The following SPIRE1 variants were observed in gnomAD, a reference collection of about 807,000 sequenced individuals.
SPIRE1 encodes the protein spire type actin nucleation factor 1, also known as protein spire homolog 1.
SPIRE1 carries 40 observed loss-of-function variants against 94.1 expected under a neutral mutation model. The observed-to-expected ratio is 0.43, with a 90% CI of 0.33 to 0.55. The LOEUF (loss-of-function observed/expected upper bound fraction) is 0.55. SPIRE1 is among the 20% of genes least tolerant of loss of function. The pLI is 0.06. For synonymous variants in SPIRE1, 376 were observed against 371.7 expected, an observed-to-expected ratio of 1.01 and a Z score of -0.13; for missense variants, 838 against 975.2, an observed-to-expected ratio of 0.86 and a Z score of 1.87.
intron 12 of SPIRE1, among the ~76,000 whole-genome samples, chr18:12,461,674 C>T (rs921453177): frequency 2.0e-5 from 3 of 150,940 alleles, no homozygotes; most frequent in Admixed American, 2.0e-4. Context: ...GTCATCTACG[C>T]TGGGGTGGAG....
intron 12 of SPIRE1, among the ~76,000 whole-genome samples, chr18:12,459,442 G>A (rs114038903): frequency 1.7e-4 from 26 of 152,318 alleles, no homozygotes; most frequent in East Asian, 5.8e-4. Flanking sequence ...TGCACCCCAC[G>A]GGCTCAGAGT....
chr18:12,530,239 G>A (rs79768733), intron 4 of SPIRE1, among the ~76,000 whole-genome samples: 3,871 of 152,118 alleles, frequency 0.025, 170 homozygotes, highest in African/African-American at 0.088. Context: ...TGCCTACAAC[G>A]TAAGACTAAT....
chr18:12,458,010 A>G (rs2031603030), intron 12 of SPIRE1, among the ~76,000 whole-genome samples: 1 of 151,532 alleles, frequency 6.6e-6, no homozygotes. Flanking sequence ...GAGCCCAGCT[A>G]ATTTTTTGTA....
At chr18:12,578,228 C>A (rs773103556) in intron 2 of SPIRE1, among the ~76,000 whole-genome samples, 12 of 152,152 alleles carry the variant, frequency 7.9e-5, no homozygotes, top group Non-Finnish European at 5.9e-5. Flanking sequence ...AAGCATATAT[C>A]CATAAAAAGA....
chr18:12,549,439 G>GGTTTT (rs2035275774), intron 2 of SPIRE1, among the ~76,000 whole-genome samples: 54 of 41,260 alleles, frequency 1.3e-3, no homozygotes, highest in South Asian at 1.7e-3. Context: ...TGTTATTGTT[G>GGTTTT]TTTTTTTTTT....
At chr18:12,520,430 T>C (rs1411920914) in intron 4 of SPIRE1, among the ~76,000 whole-genome samples, 2 of 152,160 alleles carry the variant, frequency 1.3e-5, no homozygotes, top group Non-Finnish European at 2.9e-5. Flanking sequence ...CCACGAGCTT[T>C]CAGTAAAATA....
chr18:12,493,037 G>A (rs2033297409), intron 8 of SPIRE1, 35 bp downstream of exon 8: 2 of 1,557,434 alleles, frequency 1.3e-6, no homozygotes, highest in African/African-American at 2.8e-5. Context: ...CCCAGGGGAT[G>A]ACTCTAGACT....
chr18:12,572,715 G>A (rs1347589565), intron 2 of SPIRE1, among the ~76,000 whole-genome samples: 2 of 152,130 alleles, frequency 1.3e-5, no homozygotes, highest in African/African-American at 2.4e-5. Context: ...GTACACAGCC[G>A]AGAAATGTAC....
At chr18:12,457,944 A>G (rs2031598425) in intron 12 of SPIRE1, among the ~76,000 whole-genome samples, 1 of 149,256 alleles carries the variant, frequency 6.7e-6, no homozygotes, top group Non-Finnish European at 1.5e-5. Flanking sequence ...TCCAGGGTTC[A>G]CGCCATTCTC....
Position 12,493,706 on chromosome 18 carries a change from T to C in SPIRE1, c.1060-505A>G, listed in dbSNP as rs1473508327. ...ACAGGCATGAGCCGCTGCACCTGGC[T>C]ACACTTTGAATGTCTAAGCTCAAGG... On this transcript the variant is annotated intron_variant, in intron 7 of 16. Transcript: ENST00000409402. Among the ~76,000 whole-genome samples, 3 of 152,142 alleles carry C rather than the reference T, an allele frequency of 2.0e-5. No individual in the cohort carries two copies. In the East Asian group the frequency reaches 5.8e-4, roughly 29 times the overall value.
intron 2 of SPIRE1, among the ~76,000 whole-genome samples, chr18:12,625,075 G>C (rs999776293): frequency 2.0e-5 from 3 of 152,080 alleles, no homozygotes; most frequent in African/African-American, 7.2e-5. Flanking sequence ...GGGGAAGCAT[G>C]ACTGAATTTC....
intron 2 of SPIRE1, among the ~76,000 whole-genome samples, chr18:12,584,205 A>G (rs2036331963): frequency 1.3e-5 from 2 of 152,094 alleles, no homozygotes; most frequent in South Asian, 4.1e-4. Flanking sequence ...CGAGGCAGAC[A>G]GATCATTTGA....
intron 2 of SPIRE1, among the ~76,000 whole-genome samples, chr18:12,584,820 C>A (rs762484919): frequency 6.6e-6 from 1 of 152,014 alleles, no homozygotes; most frequent in Non-Finnish European, 1.5e-5. Context: ...CGCCCTGTTG[C>A]CCAGGCTGGA....
At chr18:12,612,331 C>T (rs2037165885) in intron 2 of SPIRE1, among the ~76,000 whole-genome samples, 1 of 152,132 alleles carries the variant, frequency 6.6e-6, no homozygotes, top group Non-Finnish European at 1.5e-5. Context: ...TGTGGGTTTC[C>T]TTCTCGCTTT....
chr18:12,490,669 C>T (rs1277127408), intron 8 of SPIRE1, among the ~76,000 whole-genome samples: 1 of 152,022 alleles, frequency 6.6e-6, no homozygotes, highest in Non-Finnish European at 1.5e-5. Context: ...ACCACCGTAA[C>T]AGAATAAAGA....
intron 2 of SPIRE1, among the ~76,000 whole-genome samples, chr18:12,592,313 ATAATAT>A (rs1423607300): frequency 1.3e-5 from 2 of 152,358 alleles, no homozygotes; most frequent in South Asian, 4.1e-4. Context: ...AAAGTGTACG[ATAATAT>A]TAATATCTGT....
intron 1 of SPIRE1, among the ~76,000 whole-genome samples, chr18:12,645,536 T>A (rs1005270494): frequency 6.6e-6 from 1 of 152,096 alleles, no homozygotes; most frequent in African/African-American, 2.4e-5. Context: ...TCAATCTGAT[T>A]CTTTCTCTCC....
chr18:12,602,929 T>C (rs1012080167), intron 2 of SPIRE1, among the ~76,000 whole-genome samples: 1 of 152,228 alleles, frequency 6.6e-6, no homozygotes, highest in Non-Finnish European at 1.5e-5. Flanking sequence ...GAAGAACCCA[T>C]TGATTTGTAG....
Position 12,458,745 on chromosome 18 carries a change from A to G in SPIRE1, c.1639-4262T>C, listed in dbSNP as rs1398639567. 3.9e-5 allele frequency among the ~76,000 whole-genome samples: 6 copies of G among 152,328 alleles called. No individual in the cohort carries two copies. The East Asian group carries it at 9.6e-4, about 24-fold the overall frequency. ...TCAAATGCCAGCAGGTCTTCAGTAG[A>G]GGCAGGAGTGACAGGAGTTAAAAAG... On this transcript the variant is annotated intron_variant, in intron 12 of 16. Transcript: ENST00000409402.
Sources: gnomAD v4.1 joint callset for allele counts (sites outside exome capture counted in the v4.1 genomes callset) on GRCh38, gnomAD v4.1.1 for gene constraint, MANE v1.5 for transcripts, NCBI Gene and HGNC (gene_info 2026-07-23, HGNC 2026-07-21) for gene names.